The following ZC3H12B variants were observed in gnomAD, a reference collection of about 807,000 sequenced individuals.
ZC3H12B encodes probable ribonuclease ZC3H12B.
Under a neutral mutation model 43.9 loss-of-function variants are expected in ZC3H12B, and 7 were observed. That is an observed-to-expected ratio of 0.16 (90% CI 0.09 to 0.30). The LOEUF is 0.30. ZC3H12B is among the 10% of genes least tolerant of loss of function. The pLI is 1.00. For missense variants in ZC3H12B, 475 were observed against 670.2 expected, an observed-to-expected ratio of 0.71 and a Z score of 3.22; for synonymous variants, 222 against 241.7, an observed-to-expected ratio of 0.92 and a Z score of 0.76.
At chrX:65,221,540 T>C in the ZC3H12B span, among the ~76,000 whole-genome samples, 7 of 111,309 alleles carry the variant, frequency 6.3e-5, no homozygotes, top group Admixed American at 6.7e-4. Flanking sequence ...TTATGAAAGA[T>C]CATTCTAGGC....
chrX:65,146,252 T>C, the ZC3H12B span, among the ~76,000 whole-genome samples: 422 of 111,847 alleles, frequency 3.8e-3, 4 homozygotes, highest in African/African-American at 0.013. Context: ...TGAAGTGCTT[T>C]ATTTTACAGG....
At chrX:65,506,849 C>G (rs1441474929) in exon 5 of ZC3H12B, 3 of 110,899 alleles carry the variant, frequency 2.7e-5, no homozygotes, top group Non-Finnish European at 5.7e-5. Flanking sequence ...ATTGCACTCT[C>G]TCTTAAGGTG....
At chrX:65,140,071 A>G in the ZC3H12B span, among the ~76,000 whole-genome samples, 3 of 109,926 alleles carry the variant, frequency 2.7e-5, no homozygotes, top group South Asian at 3.9e-4. Flanking sequence ...TCCAATTTGG[A>G]TGCTTTTTAT....
At chrX:65,325,268 A>C in the ZC3H12B span, among the ~76,000 whole-genome samples, 1 of 111,271 alleles carries the variant, frequency 9.0e-6, no homozygotes, top group African/African-American at 3.3e-5. Context: ...AAGGCTAGAG[A>C]GGAGATAAAA....
At chrX:65,091,493 G>T in the ZC3H12B span, among the ~76,000 whole-genome samples, 2 of 112,039 alleles carry the variant, frequency 1.8e-5, no homozygotes, top group Non-Finnish European at 3.8e-5. Context: ...GCTTCATTTT[G>T]TTATTTTTAG....
At chrX:65,239,651 A>G in the ZC3H12B span, among the ~76,000 whole-genome samples, 10 of 111,922 alleles carry the variant, frequency 8.9e-5, no homozygotes, top group Non-Finnish European at 1.7e-4. Flanking sequence ...ACACTTGTTT[A>G]TGTGGTTTCT....
At chrX:65,194,451 A>G in the ZC3H12B span, among the ~76,000 whole-genome samples, 7 of 111,468 alleles carry the variant, frequency 6.3e-5, no homozygotes, top group Non-Finnish European at 9.4e-5. Flanking sequence ...ATTCAGGGAA[A>G]TATTTTGCTT....
chrX:65,484,871 T>C (rs773460581), upstream of ZC3H12B, among the ~76,000 whole-genome samples: 151 of 112,188 alleles, frequency 1.3e-3, 1 homozygote, highest in African/African-American at 4.8e-3. Flanking sequence ...AATTTCCCTA[T>C]GCAAACGCAA....
the ZC3H12B span, among the ~76,000 whole-genome samples, chrX:65,247,565 G>T: frequency 8.9e-6 from 1 of 112,685 alleles, no homozygotes; most frequent in Non-Finnish European, 1.9e-5. Context: ...CTGTAAAAAA[G>T]AATGAGATAA....
chrX:65,497,013 G>A, intron 1 of ZC3H12B, 119 bp from the exon 7 acceptor site: 8 of 479,505 alleles, frequency 1.7e-5, no homozygotes, highest in South Asian at 5.7e-5. Context: ...AAGAGAGAAA[G>A]AAAGAAAAGA....
At chrX:65,082,929 C>T in the ZC3H12B span, among the ~76,000 whole-genome samples, 1 of 110,806 alleles carries the variant, frequency 9.0e-6, no homozygotes, top group Non-Finnish European at 1.9e-5. Flanking sequence ...GGATTTATCT[C>T]TGGGATTCAA....
chrX:65,076,583 C>CT, the ZC3H12B span, among the ~76,000 whole-genome samples: 17 of 110,526 alleles, frequency 1.5e-4, no homozygotes, highest in Admixed American at 1.5e-3. Flanking sequence ...CTTTTTGTTT[C>CT]TTTTTCATGC....
the ZC3H12B span, among the ~76,000 whole-genome samples, chrX:65,148,834 TC>T: frequency 4.5e-5 from 5 of 112,122 alleles, no homozygotes; most frequent in African/African-American, 1.3e-4. Context: ...GTATAGTTAC[TC>T]AAATTGATGT....
the ZC3H12B span, among the ~76,000 whole-genome samples, chrX:65,199,864 G>A: frequency 1.8e-5 from 2 of 108,934 alleles, no homozygotes. Context: ...TGGACATTTA[G>A]GTTGATTCCA....
the ZC3H12B span, among the ~76,000 whole-genome samples, chrX:65,264,280 A>C: frequency 8.9e-6 from 1 of 111,922 alleles, no homozygotes; most frequent in African/African-American, 3.2e-5. Context: ...CATGTGAACA[A>C]AAAGCACTTA....
At chrX:65,438,654 T>G (rs1487344506) in intron 3 of ZC3H12B, among the ~76,000 whole-genome samples, 1 of 113,101 alleles carries the variant, frequency 8.8e-6, no homozygotes, top group Non-Finnish European at 1.9e-5. Context: ...TTAAATTAAC[T>G]AAAAGTATCC....
the ZC3H12B span, among the ~76,000 whole-genome samples, chrX:65,189,493 A>T: frequency 2.8e-5 from 3 of 108,136 alleles, no homozygotes; most frequent in Non-Finnish European, 5.7e-5. Flanking sequence ...GCCATTCTAA[A>T]TGGTGTGAGA....
Position 65,380,667 on chromosome X carries a change from T to C in ZC3H12B, n.295+11669T>C, listed in dbSNP as rs779674848. 5.5e-4 allele frequency among the ~76,000 whole-genome samples: 61 copies of C among 111,775 alleles called. 1 individual carries two copies. The Middle Eastern group carries it at 0.014, about 25-fold the overall frequency. The stretch of plus-strand genomic sequence containing the variant: ...AATTAAAAGACACAGACTGGCAAAC[T>C]GGATAAAGAGTCAAGACCCATCAGT... On this transcript the variant is annotated intron_variant and non_coding_transcript_variant, in intron 2 of 5. Coordinates refer to the ZC3H12B transcript ENST00000617377.
At chrX:65,104,709 C>A in the ZC3H12B span, among the ~76,000 whole-genome samples, 2 of 111,420 alleles carry the variant, frequency 1.8e-5, no homozygotes, top group Non-Finnish European at 3.8e-5. Flanking sequence ...AAGGAGATAC[C>A]ATCTCACACC....
Sources: gnomAD v4.1 joint callset for allele counts (sites outside exome capture counted in the v4.1 genomes callset) on GRCh38, gnomAD v4.1.1 for gene constraint, MANE v1.5 for transcripts, NCBI Gene and HGNC (gene_info 2026-07-23, HGNC 2026-07-21) for gene names.